Variants in IL31RA observed in about 807,000 individuals in gnomAD.
IL31RA encodes interleukin 31 receptor A.
IL31RA carries 66 observed loss-of-function variants against 83.7 expected under a neutral mutation model. That is an observed-to-expected ratio of 0.79 (90% confidence interval 0.65 to 0.97). The LOEUF (loss-of-function observed/expected upper bound fraction) is 0.97, where lower values mean the gene tolerates loss of function less well. IL31RA is among the 50% of genes least tolerant of loss of function. The pLI, the probability that IL31RA is intolerant of heterozygous loss-of-function variation, is 0.00. For missense variants in IL31RA, 798 were observed against 919.4 expected (o/e 0.87, Z 1.71); for synonymous variants, 325 against 329.0 (o/e 0.99, Z 0.13).
rs566361169 is a variant in IL31RA, at chr5:55,890,561, G to A, written c.772+426G>A. On this transcript the variant is annotated intron_variant, in intron 6 of 14. Coordinates refer to ENST00000652347, the MANE Select transcript of IL31RA (RefSeq NM_139017.7). ...ATTTTTGTATTTTTAGTAGAGAAGG[G>A]ATATCACCATGTTGGCTAGGCTAGT... Among the ~76,000 whole-genome samples, 9 of 152,156 alleles carry A rather than the reference G, an allele frequency of 5.9e-5. No individual in the cohort carries two copies. In the South Asian group the frequency reaches 1.9e-3, roughly 32 times the overall value.
intron 13 of IL31RA, among the ~76,000 whole-genome samples, 155 bp downstream of exon 13, chr5:55,913,725 C>T (rs954382651): frequency 3.3e-5 from 5 of 152,200 alleles, no homozygotes; most frequent in African/African-American, 9.6e-5. Flanking sequence ...TTAAAGGCCA[C>T]GCTCAGTGGC....
intron 4 of IL31RA, among the ~76,000 whole-genome samples, chr5:55,880,242 C>T (rs1747120034): frequency 6.6e-6 from 1 of 152,140 alleles, no homozygotes; most frequent in African/African-American, 2.4e-5. Context: ...ACCCTTTAGT[C>T]CAGGCATCAG....
At chr5:55,843,983 C>T in the IL31RA span, among the ~76,000 whole-genome samples, 1 of 152,034 alleles carries the variant, frequency 6.6e-6, no homozygotes, top group African/African-American at 2.4e-5. Flanking sequence ...ATTGCTAATT[C>T]ATGAATTTTT....
Position 55,917,191 on chromosome 5 carries a change from G to A in IL31RA, c.*71G>A, listed in dbSNP as rs564324805. On this transcript the variant is annotated 3_prime_UTR_variant, in exon 15 of 15. Coordinates refer to ENST00000652347, the MANE Select transcript of IL31RA (RefSeq NM_139017.7). The stretch of plus-strand genomic sequence containing the variant: ...CTTGCCAGAGAAGATGTCAAGACTC[G>A]GCACGCAGCGCTTGCTTGGCCCTGC... 212 of 1,609,258 alleles carry A rather than the reference G, an allele frequency of 1.3e-4. 1 individual carries two copies. In the South Asian group the frequency reaches 1.6e-3, roughly 12 times the overall value.
intron 11 of IL31RA, 86 bp downstream of exon 11, chr5:55,908,497 A>G (rs1408222695): frequency 4.3e-6 from 7 of 1,613,022 alleles, no homozygotes; most frequent in Non-Finnish European, 5.9e-6. Context: ...TGGCTCCCCC[A>G]TCTCATTGTG....
intron 1 of IL31RA, among the ~76,000 whole-genome samples, chr5:55,855,927 T>G (rs1381174370): frequency 6.6e-6 from 1 of 152,164 alleles, no homozygotes; most frequent in Non-Finnish European, 1.5e-5. Context: ...GATGGAGCCT[T>G]GGTCTGTAAC....
rs190904913 is a variant in IL31RA, at chr5:55,902,353, C to T, written c.1069+2221C>T. ...AAGAAAATAATGTTCTGGATGTGCA[C>T]GATGGCTCACGCCTGTAATCCCAGC... is the stretch of plus-strand genomic sequence containing the variant. On this transcript the variant is annotated intron_variant, in intron 8 of 14. Coordinates refer to ENST00000652347, the MANE Select transcript of IL31RA (RefSeq NM_139017.7). 6.0e-5 allele frequency: 9 copies of T among 150,778 alleles called. No homozygotes were observed. The East Asian group carries it at 1.4e-3, about 23-fold the overall frequency. 9.3% of individuals were successfully genotyped at this position (150,778 alleles called of 1,614,324 possible). A position where few individuals can be genotyped will look rare whatever the true frequency, so the allele number is the denominator to read the frequency against.
At chr5:55,905,438 A>G (rs1749088424) in intron 8 of IL31RA, among the ~76,000 whole-genome samples, 1 of 152,162 alleles carries the variant, frequency 6.6e-6, no homozygotes, top group Non-Finnish European at 1.5e-5. Context: ...GATTCTGATT[A>G]AGTTCCAGAT....
intron 10 of IL31RA, 62 bp downstream of exon 10, chr5:55,907,522 A>AC: frequency 9.2e-7 from 1 of 1,091,952 alleles, no homozygotes; most frequent in Non-Finnish European, 1.4e-6. Context: ...ACATGCCGAT[A>AC]AGGCTGCAAG....
chr5:55,889,880 A>G, intron 5 of IL31RA, 90 bp from the exon 6 acceptor site: 1 of 1,179,880 alleles, frequency 8.5e-7, no homozygotes, highest in Non-Finnish European at 1.3e-6. Context: ...ACTAGTTCTA[A>G]AAATGTAAAA....
In IL31RA at chr5:55,867,114, TG is replaced by T. The variant is rs1205822797; in HGVS notation, c.155-1676del. 5.6e-5 allele frequency among the ~76,000 whole-genome samples: 6 copies of T among 106,952 alleles called. 2 individuals carry two copies. The highest frequency in any genetic ancestry group is 2.6e-4 in the African/African-American group (6 of 23,112). 70.2% of individuals were successfully genotyped at this position (106,952 alleles called of 152,430 possible). On this transcript the variant is annotated intron_variant, in intron 2 of 14. Coordinates refer to ENST00000652347, the MANE Select transcript of IL31RA (RefSeq NM_139017.7). ...GTGTGTGTGTTTGTGTGTGTGTGCATGTGTGTGTTTGTGTGTGTGTGCATGT... is the reference window on the plus strand; with the variant it reads ...GTGTGTGTGTTTGTGTGTGTGTGCATTGTGTGTTTGTGTGTGTGTGCATGT...
chr5:55,917,286 G>A lies in IL31RA; in HGVS notation c.*166G>A, dbSNP rs1262030891. On this transcript the variant is annotated 3_prime_UTR_variant, in exon 15 of 15. Transcript: ENST00000652347. Reference sequence around the variant, plus strand: ...AGTTGAACTTGGTCGGCAAAGATGCGACCTTGTACTGGGAAGAAGGGATGG... The same window carrying A: ...AGTTGAACTTGGTCGGCAAAGATGCAACCTTGTACTGGGAAGAAGGGATGG... 98 of 1,531,024 alleles carry A rather than the reference G, an allele frequency of 6.4e-5. No individual in the cohort carries two copies. Among genetic ancestry groups the A allele is most frequent in the Non-Finnish European group, 8.2e-5 (94 of 1,145,866 alleles). 94.8% of individuals were successfully genotyped at this position (1,531,024 alleles called of 1,614,324 possible).
At chr5:55,850,460 G>A (rs931031876), upstream of IL31RA, among the ~76,000 whole-genome samples, 1 of 152,112 alleles carries the variant, frequency 6.6e-6, no homozygotes, top group African/African-American at 2.4e-5. Flanking sequence ...GAATCTCCAA[G>A]AGTTCTTGTT....
At chr5:55,865,340 A>G (rs1188257432) in intron 2 of IL31RA, among the ~76,000 whole-genome samples, 1 of 152,124 alleles carries the variant, frequency 6.6e-6, no homozygotes, top group African/African-American at 2.4e-5. Context: ...TGCCTGGCTC[A>G]TGTGCAGGAC....
intron 4 of IL31RA, among the ~76,000 whole-genome samples, chr5:55,873,758 G>A (rs767379651): frequency 2.6e-5 from 4 of 152,060 alleles, no homozygotes; most frequent in Non-Finnish European, 4.4e-5. Context: ...TGTCTTTATT[G>A]TTGAGTTTTA....
At chr5:55,850,667 A>G (rs1745031709), upstream of IL31RA, among the ~76,000 whole-genome samples, 1 of 152,072 alleles carries the variant, frequency 6.6e-6, no homozygotes, top group Non-Finnish European at 1.5e-5. Flanking sequence ...TGGGGTTAGG[A>G]TTAGGTAGTC....
chr5:55,865,551 C>G (rs895033508), intron 2 of IL31RA, among the ~76,000 whole-genome samples: 38 of 152,234 alleles, frequency 2.5e-4, no homozygotes, highest in African/African-American at 9.2e-4. Flanking sequence ...CTAAACAAAA[C>G]AAAACAATGA....
chr5:55,913,991 G>A (rs576700923), intron 13 of IL31RA, among the ~76,000 whole-genome samples: 11 of 152,362 alleles, frequency 7.2e-5, no homozygotes, highest in African/African-American at 2.6e-4. Context: ...TGGAGTGCTG[G>A]CCAGTCGTCT....
chr5:55,909,628 GT>G (rs1749372683), intron 11 of IL31RA, among the ~76,000 whole-genome samples: 2 of 151,630 alleles, frequency 1.3e-5, no homozygotes, highest in Admixed American at 1.3e-4. Flanking sequence ...GTATGTAGTG[GT>G]TATCTCATTG....
Sources: allele counts gnomAD v4.1 joint callset (sites outside exome capture counted in the v4.1 genomes callset), GRCh38; gene constraint gnomAD v4.1.1; transcripts MANE v1.5; gene names NCBI Gene and HGNC (gene_info 2026-07-23, HGNC 2026-07-21).